Variants in HERC1 observed in about 807,000 individuals in gnomAD.
The protein encoded by HERC1 is probable E3 ubiquitin-protein ligase HERC1.
Under a neutral mutation model 554.3 loss-of-function variants are expected in HERC1, and 160 were observed. That is an observed-to-expected ratio of 0.29 (90% confidence interval 0.25 to 0.33). The LOEUF is 0.33. Among genes scored for constraint, HERC1 ranks in the 10% least tolerant of loss-of-function variants. The pLI, the probability that HERC1 is intolerant of heterozygous loss-of-function variation, is 1.00. For missense variants in HERC1, 4,919 were observed against 5,918.5 expected, an observed-to-expected ratio of 0.83 and a Z score of 5.54; for synonymous variants, 2,175 against 2,131.7, an observed-to-expected ratio of 1.02 and a Z score of -0.56.
In HERC1 at chr15:63,694,157, C is replaced by T. The variant is rs1385151668; in HGVS notation, c.5481G>A (p.Gly1827=). ...TGGGACTCAGTTTATCAGCATAGGT[C>T]CTATGTGAAATAAAAGAAAAAAATA... ...RLLQILAITT[G]TYADKLSPKV... Residue 1827 remains glycine, a splice_region_variant and synonymous_variant, in exon 30 of 78, where the codon GGG becomes GGA. Coordinates refer to ENST00000443617, the MANE Select transcript of HERC1 (RefSeq NM_003922.4). This position sits in a 1 kb window ranked among gnomAD's most constrained non-coding sequence, Gnocchi z 4.3. The T allele has an allele frequency of 6.3e-7, 1 of 1,593,942 alleles. No homozygotes were observed. Among genetic ancestry groups the T allele is most frequent in the Non-Finnish European group, 8.5e-7 (1 of 1,171,050 alleles).
Position 63,712,905 on chromosome 15 carries a change from A to G in HERC1, c.4464-10T>C. 6.2e-7 allele frequency: 1 copy of G among 1,604,670 alleles called. No homozygotes were observed. Among genetic ancestry groups the G allele is most frequent in the Non-Finnish European group, 8.5e-7 (1 of 1,176,840 alleles). On this transcript the variant is annotated splice_polypyrimidine_tract_variant and intron_variant, in intron 23 of 77. Transcript: ENST00000443617. ...AGTAAGACTTTCACTCCTGTCTCAC[A>G]TGTACAAAAAAAAAAGTTTTTTGAT...
rs1292951383 is a variant in HERC1, at chr15:63,696,087, C to T, written c.5121+37G>A. Reference sequence around the variant, plus strand: ...TTATTAAAGTGGCTTTGTAAAATGACAGTTAAAATCTGTATATACTGCAAG... The same window carrying T: ...TTATTAAAGTGGCTTTGTAAAATGATAGTTAAAATCTGTATATACTGCAAG... On this transcript the variant is annotated intron_variant, in intron 27 of 77. Transcript: ENST00000443617. 5 of 1,419,914 alleles carry T rather than the reference C, an allele frequency of 3.5e-6. No individual in the cohort carries two copies. In the East Asian group the frequency reaches 9.1e-5, roughly 26 times the overall value. 88.0% of individuals were successfully genotyped at this position (1,419,914 alleles called of 1,614,324 possible).
chr15:63,672,564 A>C lies in HERC1; in HGVS notation c.7977T>G (p.Thr2659=). ...SSLEDTTTAT[T]PVTDTETVPA... is the part of the protein sequence containing the mutation. ...GCACTGTTTCTGTGTCAGTGACTGG[A>C]GTGGTGGCAGTTGTGGTGTCCTCCA... The change falls in exon 39 of 78, where the codon ACT becomes ACG. Residue 2659 remains threonine (T), a synonymous_variant. Transcript: ENST00000443617. The C allele has an allele frequency of 1.2e-6, 2 of 1,610,476 alleles. No individual in the cohort carries two copies. The highest frequency in any genetic ancestry group is 1.7e-6 in the Non-Finnish European group (2 of 1,178,392).
At chr15:63,723,831 C>T (rs773404931) in intron 18 of HERC1, among the ~76,000 whole-genome samples, 31 of 152,106 alleles carry the variant, frequency 2.0e-4, no homozygotes, top group Non-Finnish European at 3.5e-4. Flanking sequence ...GTAAAAGATA[C>T]CATGAACAAT....
rs1056991414 is a variant in HERC1 at position 63,612,125 on chromosome 15, T to C, written c.14400+126A>G. 4 of 796,256 alleles carry C rather than the reference T, an allele frequency of 5.0e-6. No homozygotes were observed. Among genetic ancestry groups the C allele is most frequent in the South Asian group, 1.9e-5 (1 of 51,990 alleles). The allele number at this position is 796,256 out of a possible 1,614,324, so 49.3% of individuals were successfully genotyped here. A position where few individuals can be genotyped will look rare whatever the true frequency, so the allele number is the denominator to read the frequency against. On this transcript the variant is annotated intron_variant, in intron 77 of 77. Coordinates refer to ENST00000443617, the MANE Select transcript of HERC1 (RefSeq NM_003922.4). The surrounding 1 kb of genome is among the most constrained non-coding windows in gnomAD (Gnocchi z 5.0). The stretch of plus-strand genomic sequence containing the variant: ...ACTGCTTGAAGCTAGGAAGCGGAGG[T>C]TGCAGTAAGCTAAAATCATGCCACT...
chr15:63,623,787 C>G lies in HERC1; in HGVS notation c.13549G>C (p.Val4517Leu), dbSNP rs201819784. ...LPSRAWKVKL[V>L]GEGADDAGGV... ...CCAGCATCATCAGCCCCTTCTCCAA[C>G]CAGCTTAACCTTCCACGCTCGGGAA... The change falls in exon 73 of 78, where the codon GTT becomes CTT. Residue 4517 changes from valine to leucine, a missense_variant. This residue lies in a region of HERC1 where 410 missense variants were observed against 467.0 expected (regional missense o/e 0.88). Transcript: ENST00000443617. 3.7e-5 allele frequency: 59 copies of G among 1,614,000 alleles called. No individual in the cohort carries two copies. The African/African-American group carries it at 7.5e-4, about 20-fold the overall frequency.
intron 74 of HERC1, among the ~76,000 whole-genome samples, chr15:63,620,941 T>A (rs1442039206): frequency 1.3e-5 from 2 of 152,224 alleles, no homozygotes; most frequent in East Asian, 3.8e-4. Context: ...TCTTGACTCT[T>A]TATCCAATTT....
intron 7 of HERC1, among the ~76,000 whole-genome samples, chr15:63,754,210 G>A (rs1305746087): frequency 6.6e-6 from 1 of 151,162 alleles, no homozygotes; most frequent in African/African-American, 2.4e-5. Context: ...ACATATATAT[G>A]TCAAAACATA....
chr15:63,665,789 G>A, intron 42 of HERC1, 130 bp downstream of exon 42: 2 of 631,552 alleles, frequency 3.2e-6, no homozygotes, highest in South Asian at 5.7e-5. Flanking sequence ...TAACTAAAAT[G>A]CCCATCTTTT....
At chr15:63,737,667 A>C (rs899088084) in intron 12 of HERC1, among the ~76,000 whole-genome samples, 20 of 150,510 alleles carry the variant, frequency 1.3e-4, no homozygotes, top group African/African-American at 4.9e-4. Context: ...GGCGTGAGCC[A>C]CTGTGCCTGG....
At chr15:63,822,311 T>C (rs2077728917) in intron 1 of HERC1, among the ~76,000 whole-genome samples, 1 of 152,140 alleles carries the variant, frequency 6.6e-6, no homozygotes, top group African/African-American at 2.4e-5. Context: ...AATAGCCAGG[T>C]GCTGTGGCTC....
chr15:63,626,823 C>T lies in HERC1; in HGVS notation c.13106-669G>A, dbSNP rs552319767. Among the ~76,000 whole-genome samples the T allele has an allele frequency of 1.1e-3, 165 of 152,290 alleles. 1 individual carries two copies. Among genetic ancestry groups the T allele is most frequent in the Non-Finnish European group, 1.8e-3 (122 of 68,034 alleles). On this transcript the variant is annotated intron_variant, in intron 70 of 77. Coordinates refer to ENST00000443617, the MANE Select transcript of HERC1 (RefSeq NM_003922.4). ...AATTCCTAGATTTATTATTATTGTT[C>T]GTAGTAAAAACTAACATTTACTGAG...
intron 37 of HERC1, among the ~76,000 whole-genome samples, chr15:63,676,313 G>A (rs146197233): frequency 1.1e-4 from 17 of 152,272 alleles, no homozygotes; most frequent in African/African-American, 4.1e-4. Context: ...TGGTTTCTTA[G>A]CTTGGTAGAA....
At chr15:63,737,938 T>A (rs749922055) in intron 12 of HERC1, among the ~76,000 whole-genome samples, 1 of 152,214 alleles carries the variant, frequency 6.6e-6, no homozygotes, top group Non-Finnish European at 1.5e-5. Flanking sequence ...GCCTAAACCA[T>A]TCATGAAGAT....
chr15:63,625,814 C>G, intron 71 of HERC1, 171 bp downstream of exon 71: 1 of 752,048 alleles, frequency 1.3e-6, no homozygotes, highest in Admixed American at 2.1e-5. Flanking sequence ...CATGTCCAAC[C>G]TCTAGACTGT....
intron 1 of HERC1, among the ~76,000 whole-genome samples, chr15:63,784,974 T>C (rs1259685797): frequency 1.3e-5 from 2 of 152,236 alleles, no homozygotes; most frequent in Non-Finnish European, 2.9e-5. Context: ...ACCTAAATTT[T>C]TGGAAACTAA....
intron 1 of HERC1, among the ~76,000 whole-genome samples, chr15:63,820,413 C>T (rs1465663680): frequency 2.0e-5 from 3 of 152,142 alleles, no homozygotes; most frequent in Admixed American, 6.5e-5. Context: ...AAAAAGATAA[C>T]GGCCCACGAT....
chr15:63,662,882 T>TTAAA (rs2070430034), intron 44 of HERC1, 102 bp downstream of exon 44: 3 of 830,572 alleles, frequency 3.6e-6, no homozygotes, highest in Non-Finnish European at 5.7e-6. Context: ...ATAAAAGACT[T>TTAAA]TTTAGAGTGT....
rs1013743412 is a variant in HERC1 at position 63,775,975 on chromosome 15, T to A, written c.-26-326A>T. 6.6e-6 allele frequency among the ~76,000 whole-genome samples: 1 copy of A among 151,404 alleles called. No homozygotes were observed. The highest frequency in any genetic ancestry group is 2.4e-5 in the African/African-American group (1 of 41,136). On this transcript the variant is annotated intron_variant, in intron 1 of 77. Transcript: ENST00000443617. This position sits in a 1 kb window ranked among gnomAD's most constrained non-coding sequence, Gnocchi z 4.0. The stretch of plus-strand genomic sequence containing the variant: ...ATCGCTTGAACCTGGGAGGCGGAGG[T>A]TGCAGTGAGCCGAGATCGCGCCACT...
Sources: allele counts gnomAD v4.1 joint callset (sites outside exome capture counted in the v4.1 genomes callset), GRCh38; gene constraint gnomAD v4.1.1; regional missense constraint gnomAD v4.1.1; non-coding constraint Gnocchi (gnomAD v3.1); transcripts MANE v1.5; gene names NCBI Gene and HGNC (gene_info 2026-07-23, HGNC 2026-07-21).